SGMS2: variants seen among roughly 807,000 people sequenced by gnomAD.
SGMS2 encodes sphingomyelin synthase 2.
A neutral mutation model predicts 43.8 loss-of-function variants in SGMS2; 21 were observed. The ratio of observed to expected loss-of-function variants is 0.48; its 90% CI spans 0.34 to 0.69. SGMS2 has a LOEUF of 0.69. Ranked by LOEUF, SGMS2 falls within the 30% of genes least tolerant of loss-of-function variation. The pLI is 0.01. For missense variants in SGMS2, 384 were observed against 443.2 expected (o/e 0.87, Z 1.20); for synonymous variants, 167 against 160.6 (o/e 1.04, Z -0.30).
At chr4:107,860,575 G>A (rs372172292) in intron 2 of SGMS2, among the ~76,000 whole-genome samples, 1 of 150,878 alleles carries the variant, frequency 6.6e-6, no homozygotes, top group South Asian at 2.1e-4. Flanking sequence ...AGGCTGGAGT[G>A]CAATGGTGCG....
intron 1 of SGMS2, among the ~76,000 whole-genome samples, chr4:107,832,456 A>T (rs1322217257): frequency 6.6e-6 from 1 of 152,164 alleles, no homozygotes; most frequent in Non-Finnish European, 1.5e-5. Flanking sequence ...TAAGGATCCT[A>T]CTTGAAACAC....
rs757515428 is a variant in SGMS2 at position 107,903,329 on chromosome 4, T to C, written c.670T>C (p.Phe224Leu). 5.0e-6 allele frequency: 8 copies of C among 1,614,030 alleles called. No homozygotes were observed. The Admixed American group carries it at 1.2e-4, about 24-fold the overall frequency. Residue 224 changes from phenylalanine to leucine, a missense_variant, in exon 5 of 7, where the codon TTC becomes CTC. Physicochemically the swap from Phe to Leu is conservative, Grantham distance 22. Transcript: ENST00000690982. ...ITGSHILCGD[F>L]LFSGHTVTLT... ...TGGATCACATATCTTATGTGGAGAC[T>C]TCCTCTTCAGCGGTCACACGGTTAC...
At chr4:107,841,315 TC>T (rs1726484595) in intron 1 of SGMS2, among the ~76,000 whole-genome samples, 1 of 152,158 alleles carries the variant, frequency 6.6e-6, no homozygotes, top group Admixed American at 6.5e-5. Context: ...TTGCAGAGTT[TC>T]CCAAATCTTT....
chr4:107,826,869 TA>T (rs1004791601), intron 1 of SGMS2, among the ~76,000 whole-genome samples: 1 of 152,230 alleles, frequency 6.6e-6, no homozygotes, highest in African/African-American at 2.4e-5. Context: ...CATTTGCTCT[TA>T]CCATAACTAT....
chr4:107,892,016 C>A (rs1322917176), intron 2 of SGMS2, among the ~76,000 whole-genome samples: 2 of 151,698 alleles, frequency 1.3e-5, no homozygotes, highest in Admixed American at 1.3e-4. Flanking sequence ...AGAAGTTTCT[C>A]GGGCTGCTTT....
chr4:107,869,071 C>T (rs1171989290), intron 2 of SGMS2, among the ~76,000 whole-genome samples: 2 of 152,020 alleles, frequency 1.3e-5, no homozygotes, highest in Non-Finnish European at 2.9e-5. Flanking sequence ...ACAAAGCACC[C>T]AAGAGGGGGA....
intron 1 of SGMS2, among the ~76,000 whole-genome samples, chr4:107,849,262 T>G (rs1727003199): frequency 6.6e-6 from 1 of 152,092 alleles, no homozygotes. Context: ...CTGAGAGCAC[T>G]CCTGTCCAGC....
chr4:107,840,428 C>T (rs966275338), intron 1 of SGMS2, among the ~76,000 whole-genome samples: 2 of 152,148 alleles, frequency 1.3e-5, no homozygotes, highest in African/African-American at 4.8e-5. Context: ...CCTCCATATA[C>T]ATTTTCACCT....
chr4:107,834,138 A>G (rs1393808588), intron 1 of SGMS2, among the ~76,000 whole-genome samples: 2 of 152,270 alleles, frequency 1.3e-5, no homozygotes, highest in Non-Finnish European at 1.5e-5. Context: ...AAACAAATAC[A>G]GAGCAATCTG....
intron 2 of SGMS2, among the ~76,000 whole-genome samples, chr4:107,881,114 T>G (rs1389504505): frequency 6.6e-6 from 1 of 152,064 alleles, no homozygotes; most frequent in African/African-American, 2.4e-5. Flanking sequence ...TAAGTTAAAT[T>G]TTTTTCTAAG....
intron 1 of SGMS2, among the ~76,000 whole-genome samples, chr4:107,840,396 C>T (rs556514045): frequency 6.6e-6 from 1 of 152,216 alleles, no homozygotes; most frequent in African/African-American, 2.4e-5. Flanking sequence ...TTGAAAAGAT[C>T]GTATCTCAAG....
Position 107,908,965 on chromosome 4 carries a change from C to T in SGMS2, c.894+234C>T, listed in dbSNP as rs184080387. Among the ~76,000 whole-genome samples, 6 of 152,188 alleles carry T rather than the reference C, an allele frequency of 3.9e-5. No homozygotes were observed. In the East Asian group the frequency reaches 1.2e-3, roughly 29 times the overall value. The stretch of plus-strand genomic sequence containing the variant: ...CACAGTGCATTGCTAATTCAGGTAA[C>T]TTAAACTAGAATGAAAAAATATATG... On this transcript the variant is annotated intron_variant, in intron 6 of 6. Transcript: ENST00000690982.
intron 4 of SGMS2, among the ~76,000 whole-genome samples, chr4:107,902,528 G>T (rs1348497782): frequency 2.0e-5 from 3 of 152,098 alleles, no homozygotes; most frequent in Non-Finnish European, 4.4e-5. Flanking sequence ...CCCTGGCCTA[G>T]CCCAGCGTTG....
rs138731297 is a variant in SGMS2, at chr4:107,913,536, A to G, written c.*2983A>G. 9.1e-4 allele frequency: 139 copies of G among 152,284 alleles called. No homozygotes were observed. Among genetic ancestry groups the G allele is most frequent in the African/African-American group, 3.2e-3 (134 of 41,566 alleles). 9.4% of individuals were successfully genotyped at this position (152,284 alleles called of 1,614,324 possible). On this transcript the variant is annotated 3_prime_UTR_variant, in exon 7 of 7. Coordinates refer to ENST00000690982, the MANE Select transcript of SGMS2 (RefSeq NM_001375905.1). ...GACTTGGAATGCAAACACCACTTTTAAAAGCCTGTTTTCAAGTTTTTGAAA... is the reference window on the plus strand; with the variant it reads ...GACTTGGAATGCAAACACCACTTTTGAAAGCCTGTTTTCAAGTTTTTGAAA...
At chr4:107,850,017 T>A (rs373012683) in intron 1 of SGMS2, among the ~76,000 whole-genome samples, 1 of 152,158 alleles carries the variant, frequency 6.6e-6, no homozygotes, top group African/African-American at 2.4e-5. Context: ...GATTAGATCA[T>A]GGTGGTTGAT....
rs1032664790 is a variant in SGMS2 at position 107,912,521 on chromosome 4, T to A, written c.*1968T>A. On this transcript the variant is annotated 3_prime_UTR_variant, in exon 7 of 7. Coordinates refer to ENST00000690982, the MANE Select transcript of SGMS2 (RefSeq NM_001375905.1). ...GATTTTTAAGTTCCTGTTGCCCGAT[T>A]GTAAAGAAAATCATCTGACACAGAA... 6.6e-6 allele frequency: 1 copy of A among 152,142 alleles called. No individual in the cohort carries two copies. Among genetic ancestry groups the A allele is most frequent in the Admixed American group, 6.6e-5 (1 of 15,258 alleles). The allele number at this position is 152,142 out of a possible 1,614,324, so 9.4% of individuals were successfully genotyped here. A position where few individuals can be genotyped will look rare whatever the true frequency, so the allele number is the denominator to read the frequency against.
At chr4:107,882,878 A>ATTG (rs1278478611) in intron 2 of SGMS2, among the ~76,000 whole-genome samples, 1 of 152,196 alleles carries the variant, frequency 6.6e-6, no homozygotes, top group Non-Finnish European at 1.5e-5. Context: ...TTCAATGTAT[A>ATTG]AACATCTATT....
rs950968932 is a variant in SGMS2 at position 107,881,440 on chromosome 4, C to A, written c.-244-13870C>A. Among the ~76,000 whole-genome samples the A allele has an allele frequency of 3.9e-5, 6 of 152,072 alleles. No individual in the cohort carries two copies. In the East Asian group the frequency reaches 1.2e-3, roughly 29 times the overall value. ...TTCCTCTCTGACCTTGGGCAACGTA[C>A]ATCATCTCAATTTCTTTTTATTTTT... On this transcript the variant is annotated intron_variant, in intron 2 of 6. Transcript: ENST00000690982.
At chr4:107,894,884 C>A (rs1407060334) in intron 2 of SGMS2, among the ~76,000 whole-genome samples, 2 of 152,080 alleles carry the variant, frequency 1.3e-5, no homozygotes, top group African/African-American at 2.4e-5. Flanking sequence ...TGCATATAAG[C>A]CTCTTACCAG....
Sources: gnomAD v4.1 joint callset for allele counts (sites outside exome capture counted in the v4.1 genomes callset) on GRCh38, gnomAD v4.1.1 for gene constraint, MANE v1.5 for transcripts, NCBI Gene and HGNC (gene_info 2026-07-23, HGNC 2026-07-21) for gene names.